The following DHX37 variants were observed in gnomAD, a reference collection of about 807,000 sequenced individuals.
DHX37 encodes the protein DEAH-box helicase 37, also known as probable ATP-dependent RNA helicase DHX37.
Under a neutral mutation model 134.3 loss-of-function variants are expected in DHX37, and 52 were observed. The observed-to-expected ratio is 0.39, with a 90% CI of 0.31 to 0.49. The LOEUF (loss-of-function observed/expected upper bound fraction) is 0.49. Ranked by LOEUF, DHX37 falls within the 20% of genes least tolerant of loss-of-function variation. The probability of loss-of-function intolerance (pLI) is 0.93; values close to 1 mark genes in which losing one functional copy is unlikely to be tolerated. For missense variants in DHX37, 1,344 were observed against 1,580.8 expected (o/e 0.85, Z 2.54); for synonymous variants, 634 against 670.7 (o/e 0.95, Z 0.85).
In DHX37 at chr12:124,974,778, AT is replaced by A. The variant is rs768978678; in HGVS notation, c.980+640del. Reference sequence around the variant, plus strand: ...AGTCCTACAGACTTACCGCCTGAAGATTTTTTTTTTTTTTTGAGACAGAGTT... The same window carrying A: ...AGTCCTACAGACTTACCGCCTGAAGATTTTTTTTTTTTTTGAGACAGAGTT... On this transcript the variant is annotated intron_variant, in intron 6 of 26. Transcript: ENST00000308736. 4.3e-3 allele frequency among the ~76,000 whole-genome samples: 609 copies of A among 141,096 alleles called. 2 individuals carry two copies. Among genetic ancestry groups the A allele is most frequent in the African/African-American group, 6.0e-3 (234 of 38,808 alleles). 92.6% of individuals were successfully genotyped at this position (141,096 alleles called of 152,430 possible).
chr12:124,986,154 G>T lies in DHX37; in HGVS notation c.218C>A (p.Thr73Asn). ...PLSKKEKKPL[T>N]KKEKKVLQKI... ...CTGCAGCACTTTCTTCTCCTTCTTGGTCAGAGGCTTCTTCTCCTTCTTCGA... is the reference window on the plus strand; with the variant it reads ...CTGCAGCACTTTCTTCTCCTTCTTGTTCAGAGGCTTCTTCTCCTTCTTCGA... Residue 73 changes from threonine (T) to asparagine (N), a missense_variant, in exon 2 of 27, where the codon ACC (threonine) becomes AAC (asparagine). Physicochemically the swap from Thr to Asn is moderately conservative, Grantham distance 65. This residue lies in a region of DHX37 where 319 missense variants were observed against 296.1 expected (regional missense o/e 1.08). Coordinates refer to ENST00000308736, the MANE Select transcript of DHX37 (RefSeq NM_032656.4). 6.2e-7 allele frequency: 1 copy of T among 1,614,148 alleles called. No homozygotes were observed. Among genetic ancestry groups the T allele is most frequent in the Non-Finnish European group, 8.5e-7 (1 of 1,180,032 alleles).
Position 124,952,288 on chromosome 12 carries a change from G to C in DHX37, c.2868+110C>G. Reference sequence around the variant, plus strand: ...GCAAGCCCCACTTGTTCCTCAGTGGGGACCCACAGCTGAGAGGGAACAAGC... The same window carrying C: ...GCAAGCCCCACTTGTTCCTCAGTGGCGACCCACAGCTGAGAGGGAACAAGC... On this transcript the variant is annotated intron_variant, in intron 21 of 26. Transcript: ENST00000308736. 2 of 1,162,430 alleles carry C rather than the reference G, an allele frequency of 1.7e-6. 1 individual carries two copies. Among genetic ancestry groups the C allele is most frequent in the Non-Finnish European group, 2.3e-6 (2 of 863,430 alleles). 72.0% of individuals were successfully genotyped at this position (1,162,430 alleles called of 1,614,324 possible). A position where few individuals can be genotyped will look rare whatever the true frequency, so the allele number is the denominator to read the frequency against.
Position 124,965,707 on chromosome 12 carries a change from C to T in DHX37, c.1696G>A (p.Asp566Asn), listed in dbSNP as rs114167123. 5.6e-4 allele frequency: 898 copies of T among 1,613,648 alleles called. 15 individuals are homozygous for T. The East Asian group carries it at 0.017, about 31-fold the overall frequency. ...VDEEEGALDS[D>N]LDLDLGDGGQ... ...CCATCCCCCAGGTCCAGATCGAGGTCGGAGTCCAGGGCCCCCTCTTCCTCA... is the reference window on the plus strand; with the variant it reads ...CCATCCCCCAGGTCCAGATCGAGGTTGGAGTCCAGGGCCCCCTCTTCCTCA... Residue 566 changes from aspartate to asparagine, a missense_variant, in exon 13 of 27, where the codon GAC (aspartate) becomes AAC (asparagine). Coordinates refer to ENST00000308736, the MANE Select transcript of DHX37 (RefSeq NM_032656.4).
chr12:124,988,606 G>A (rs539091650), intron 1 of DHX37, among the ~76,000 whole-genome samples: 5 of 152,174 alleles, frequency 3.3e-5, no homozygotes, highest in Admixed American at 3.3e-4. Context: ...CACATTTGGG[G>A]GTCGCTGGAG....
intron 2 of DHX37, among the ~76,000 whole-genome samples, chr12:124,983,871 GGAGA>G (rs1239759017): frequency 6.6e-6 from 1 of 152,002 alleles, no homozygotes; most frequent in Non-Finnish European, 1.5e-5. Flanking sequence ...CACGGCTGCT[GGAGA>G]GAGACCCTCA....
chr12:124,970,208 A>C (rs997931978), intron 8 of DHX37, among the ~76,000 whole-genome samples: 15 of 152,104 alleles, frequency 9.9e-5, no homozygotes, highest in Admixed American at 2.0e-4. Flanking sequence ...TCCTGACCTC[A>C]AGTGATCCAC....
At chr12:124,953,180 G>GCA (rs1214805475) in intron 20 of DHX37, 1 of 152,670 alleles carries the variant, frequency 6.6e-6, no homozygotes, top group East Asian at 1.9e-4. Context: ...GCAATTCTAA[G>GCA]CTGCTGCACC....
intron 2 of DHX37, among the ~76,000 whole-genome samples, chr12:124,982,997 G>A (rs780384749): frequency 7.9e-5 from 12 of 152,158 alleles, no homozygotes; most frequent in African/African-American, 1.7e-4. Context: ...ATTGGTCCCC[G>A]AGCTACCCTG....
rs116833233 is a variant in DHX37, at chr12:124,950,187, G to C, written c.3178C>G (p.Arg1060Gly). 1.1e-5 allele frequency: 17 copies of C among 1,613,930 alleles called. No homozygotes were observed. In the Admixed American group the frequency reaches 2.5e-4, roughly 24 times the overall value. Residue 1060 changes from arginine (R) to glycine (G), a missense_variant, in exon 24 of 27, where the codon CGC becomes GGC. Around this residue, in one of 7 missense-constraint regions of DHX37, gnomAD observed 558 missense variants for 650.0 expected, o/e 0.86. Transcript: ENST00000308736. The part of the protein sequence containing the change: ...IEVDFPEGID[R>G]YKHFARFLLE... ...AGGAACCGGGCAAAGTGCTTGTAGC[G>C]GTCAATCCCCTCTGGAAAATCCACC...
chr12:124,970,253 C>T (rs1160338962), intron 8 of DHX37, among the ~76,000 whole-genome samples: 1 of 152,222 alleles, frequency 6.6e-6, no homozygotes, highest in Non-Finnish European at 1.5e-5. Context: ...GGATTACAGG[C>T]GTGAGCCACC....
At chr12:124,952,614 G>A (rs74403469) in intron 20 of DHX37, 44 bp from the exon 21 acceptor site, 54,814 of 1,529,132 alleles carry the variant, frequency 0.036, 1,353 homozygotes, top group African/African-American at 0.097. Flanking sequence ...GCAAGGCCCG[G>A]AGCCAGCTCT....
chr12:124,953,592 A>C, intron 20 of DHX37: 1 of 429,616 alleles, frequency 2.3e-6, no homozygotes, highest in Non-Finnish European at 4.3e-6. Context: ...TCCAGGCCAC[A>C]GCGGTGATGG....
Position 124,981,965 on chromosome 12 carries a change from A to G in DHX37, c.389+546T>C, listed in dbSNP as rs181140045. Among the ~76,000 whole-genome samples the G allele has an allele frequency of 5.1e-3, 779 of 151,924 alleles. 9 individuals carry two copies. The highest frequency in any genetic ancestry group is 0.018 in the African/African-American group (739 of 41,486). Reference sequence around the variant, plus strand: ...ATGGAGAAACCCCGTCTCTACTAAAAATACAAAATTAGCCGGGCTTGGTGG... The same window carrying G: ...ATGGAGAAACCCCGTCTCTACTAAAGATACAAAATTAGCCGGGCTTGGTGG... On this transcript the variant is annotated intron_variant, in intron 3 of 26. Transcript: ENST00000308736.
At chr12:124,986,443 G>T (rs1270686663) in intron 1 of DHX37, among the ~76,000 whole-genome samples, 178 bp from the exon 2 acceptor site, 1 of 152,100 alleles carries the variant, frequency 6.6e-6, no homozygotes, top group African/African-American at 2.4e-5. Flanking sequence ...TGGCGCAGGG[G>T]CTCATGCCTG....
At chr12:124,966,685 A>G in intron 12 of DHX37, 108 bp downstream of exon 12, 2 of 1,211,414 alleles carry the variant, frequency 1.7e-6, no homozygotes, top group South Asian at 1.3e-5. Context: ...TTTTAACTTC[A>G]TTTTATTCCA....
intron 26 of DHX37, 79 bp downstream of exon 26, chr12:124,948,005 A>C (rs1341827917): frequency 6.2e-7 from 1 of 1,613,778 alleles, no homozygotes. Context: ...GCCAGGGCTG[A>C]CCGTGCACAA....
intron 25 of DHX37, among the ~76,000 whole-genome samples, chr12:124,948,892 T>C (rs1953920804): frequency 2.0e-5 from 3 of 148,760 alleles, no homozygotes; most frequent in Admixed American, 6.7e-5. Context: ...CAGAAGGCTC[T>C]AGATCCCACC....
rs368081311 is a variant in DHX37 at position 124,947,779 on chromosome 12, C to T, written c.*23G>A. ...GCCCTCCAGTCCCCAAACCAGTCCT[C>T]GGCCCTGCAGCCAGGTTTCTGGTCA... On this transcript the variant is annotated 3_prime_UTR_variant, in exon 27 of 27. Coordinates refer to ENST00000308736, the MANE Select transcript of DHX37 (RefSeq NM_032656.4). The T allele has an allele frequency of 1.6e-5, 25 of 1,541,516 alleles. No individual in the cohort carries two copies. The Admixed American group carries it at 1.8e-4, about 11-fold the overall frequency.
intron 1 of DHX37, among the ~76,000 whole-genome samples, chr12:124,986,788 C>A (rs906919826): frequency 1.1e-4 from 16 of 152,012 alleles, no homozygotes; most frequent in African/African-American, 3.9e-4. Flanking sequence ...CTTTGTCCCC[C>A]AGACTAGAGT....
Sources: allele counts gnomAD v4.1 joint callset (sites outside exome capture counted in the v4.1 genomes callset), GRCh38; gene constraint gnomAD v4.1.1; regional missense constraint gnomAD v4.1.1; transcripts MANE v1.5; gene names NCBI Gene and HGNC (gene_info 2026-07-23, HGNC 2026-07-21).